Variants in RBMS3 observed in about 807,000 individuals in gnomAD.
RBMS3 encodes RNA-binding motif, single-stranded-interacting protein 3.
A neutral mutation model predicts 66.8 loss-of-function variants in RBMS3; 27 were observed. That is an observed-to-expected ratio of 0.40 (90% CI 0.30 to 0.56). RBMS3 has a LOEUF of 0.56. Among genes scored for constraint, RBMS3 ranks in the 20% least tolerant of loss-of-function variants. RBMS3 has a pLI of 0.40. For synonymous variants in RBMS3, 188 were observed against 183.0 expected (o/e 1.03, Z -0.22); for missense variants, 513 against 549.5 (o/e 0.93, Z 0.66).
At chr3:29,997,110 C>A (rs1419681218) in intron 14 of RBMS3, among the ~76,000 whole-genome samples, 1 of 151,728 alleles carries the variant, frequency 6.6e-6, no homozygotes, top group South Asian at 2.1e-4. Context: ...CACAGAAATA[C>A]AAACTACCAT....
At chr3:29,336,827 T>C (rs928148580) in intron 1 of RBMS3, among the ~76,000 whole-genome samples, 2 of 152,104 alleles carry the variant, frequency 1.3e-5, no homozygotes, top group Admixed American at 6.6e-5. Context: ...TGTTTTCCTT[T>C]TGGAAAGACA....
intron 6 of RBMS3, among the ~76,000 whole-genome samples, chr3:29,845,799 TTGGTTAAGACTGAC>T (rs1258655075): frequency 3.3e-5 from 5 of 152,142 alleles, no homozygotes; most frequent in Admixed American, 6.5e-5. Flanking sequence ...AAAGGAGGAT[TTGGTTAAGACTGAC>T]TGGTTAAGAC....
At chr3:29,953,507 G>C (rs1225797067) in intron 12 of RBMS3, among the ~76,000 whole-genome samples, 2 of 151,776 alleles carry the variant, frequency 1.3e-5, no homozygotes, top group African/African-American at 4.8e-5. Flanking sequence ...TTATCTCAAG[G>C]GCAATTATAA....
At chr3:29,370,475 C>A (rs773968061) in intron 1 of RBMS3, among the ~76,000 whole-genome samples, 3 of 152,148 alleles carry the variant, frequency 2.0e-5, no homozygotes, top group Non-Finnish European at 4.4e-5. Flanking sequence ...CAACTATGCA[C>A]ACCCTTTAGA....
chr3:29,521,727 G>A (rs752973049), intron 3 of RBMS3, among the ~76,000 whole-genome samples: 5 of 152,182 alleles, frequency 3.3e-5, no homozygotes, highest in Non-Finnish European at 5.9e-5. Flanking sequence ...AACATGGAGT[G>A]CTATCATTAT....
chr3:29,666,610 CA>C (rs141445756), intron 4 of RBMS3, among the ~76,000 whole-genome samples: 4,066 of 137,562 alleles, frequency 0.03, 77 homozygotes, highest in Admixed American at 0.074. Context: ...CATACATAAT[CA>C]AATATACGAT....
intron 1 of RBMS3, among the ~76,000 whole-genome samples, chr3:29,423,235 A>G (rs367966563): frequency 5.5e-4 from 84 of 152,326 alleles, no homozygotes; most frequent in African/African-American, 2.0e-3. Context: ...AGAGAGACAC[A>G]TTTACTCTGT....
At chr3:29,884,301 T>C (rs2059807120) in intron 8 of RBMS3, 93 bp downstream of exon 8, 4 of 1,196,748 alleles carry the variant, frequency 3.3e-6, no homozygotes, top group African/African-American at 1.5e-5. Context: ...TGTTTTGCTT[T>C]TGTTTTACAT....
intron 3 of RBMS3, among the ~76,000 whole-genome samples, chr3:29,493,072 G>A (rs925251009): frequency 6.6e-6 from 1 of 152,014 alleles, no homozygotes; most frequent in Non-Finnish European, 1.5e-5. Flanking sequence ...GTACAACTTT[G>A]AGCACTCTCG....
intron 12 of RBMS3, among the ~76,000 whole-genome samples, chr3:29,952,009 T>A (rs1559831947): frequency 6.6e-6 from 1 of 151,834 alleles, no homozygotes; most frequent in Non-Finnish European, 1.5e-5. Flanking sequence ...TTGCTACACT[T>A]ATAACTTATT....
intron 3 of RBMS3, among the ~76,000 whole-genome samples, chr3:29,558,845 T>G (rs1370549303): frequency 6.6e-6 from 1 of 152,180 alleles, no homozygotes; most frequent in Non-Finnish European, 1.5e-5. Flanking sequence ...CTGATGTAGC[T>G]AGTACCAGAA....
rs554473930 is a variant in RBMS3, at chr3:29,564,700, C to T, written c.308-22414C>T. On this transcript the variant is annotated intron_variant, in intron 3 of 14. Coordinates refer to ENST00000383767, the MANE Select transcript of RBMS3 (RefSeq NM_001003793.3). The stretch of plus-strand genomic sequence containing the variant: ...GAGTTTGGTTTTGTCTACCTCAAAC[C>T]AGAAGGTTTACACTACCTTGCAGAA... 2.6e-5 allele frequency among the ~76,000 whole-genome samples: 4 copies of T among 151,886 alleles called. No homozygotes were observed. In the East Asian group the frequency reaches 7.7e-4, roughly 29 times the overall value.
At chr3:29,569,480 A>C (rs1408308778) in intron 3 of RBMS3, among the ~76,000 whole-genome samples, 1 of 152,188 alleles carries the variant, frequency 6.6e-6, no homozygotes, top group Non-Finnish European at 1.5e-5. Context: ...TCATGGTACA[A>C]TTACATGACT....
intron 8 of RBMS3, among the ~76,000 whole-genome samples, chr3:29,885,786 A>G (rs1161911885): frequency 6.6e-6 from 1 of 151,788 alleles, no homozygotes; most frequent in Non-Finnish European, 1.5e-5. Flanking sequence ...TATCTAGAGT[A>G]TGTATTATGT....
chr3:29,292,333 C>T (rs2032886545), intron 1 of RBMS3, among the ~76,000 whole-genome samples: 1 of 151,598 alleles, frequency 6.6e-6, no homozygotes, highest in African/African-American at 2.4e-5. Context: ...AAGACACATT[C>T]CTGTTCTTTC....
Position 29,587,225 on chromosome 3 carries a change from G to GTTTTTTTTT in RBMS3, c.399+21_399+22insTTTTTTTTT. The GTTTTTTTTT allele has an allele frequency of 5.1e-6, 2 of 390,330 alleles. No individual in the cohort carries two copies. The highest frequency in any genetic ancestry group is 7.8e-5 in the Admixed American group (1 of 12,810). The allele number at this position is 390,330 out of a possible 1,614,324, so 24.2% of individuals were successfully genotyped here. A position where few individuals can be genotyped will look rare whatever the true frequency, so the allele number is the denominator to read the frequency against. ...GCTAAGGTAAGATTGATGTTTAGGG[G>GTTTTTTTTT]TGTTTTTTTTTTTTTTTTTTTTTTG... On this transcript the variant is annotated intron_variant, in intron 4 of 14. Transcript: ENST00000383767.
intron 8 of RBMS3, among the ~76,000 whole-genome samples, chr3:29,889,047 C>T (rs1342038468): frequency 2.6e-5 from 4 of 151,290 alleles, no homozygotes; most frequent in Admixed American, 1.3e-4. Flanking sequence ...TAAAGTATTA[C>T]GTGGCCTTTA....
At chr3:29,962,006 T>A (rs1247882343) in intron 12 of RBMS3, among the ~76,000 whole-genome samples, 1 of 145,814 alleles carries the variant, frequency 6.9e-6, no homozygotes, top group South Asian at 2.1e-4. Context: ...ATATATATAT[T>A]ATATATTTTT....
chr3:29,810,067 G>A (rs1431954789), intron 6 of RBMS3, among the ~76,000 whole-genome samples: 1 of 152,030 alleles, frequency 6.6e-6, no homozygotes, highest in Non-Finnish European at 1.5e-5. Flanking sequence ...GGTCATTATG[G>A]TTAGAAATCT....
Sources: gnomAD v4.1 joint callset for allele counts (sites outside exome capture counted in the v4.1 genomes callset) on GRCh38, gnomAD v4.1.1 for gene constraint, MANE v1.5 for transcripts, NCBI Gene and HGNC (gene_info 2026-07-23, HGNC 2026-07-21) for gene names.